Variants in FRMPD4 observed in about 807,000 individuals in gnomAD.
The protein encoded by FRMPD4 is FERM and PDZ domain containing 4, also known as FERM and PDZ domain-containing protein 4.
In FRMPD4, 22 loss-of-function variants were observed where a neutral mutation model predicts 94.1. The ratio of observed to expected loss-of-function variants is 0.23; its 90% CI spans 0.17 to 0.33. FRMPD4 has a LOEUF of 0.33. FRMPD4 is among the 10% of genes least tolerant of loss of function. FRMPD4 has a pLI of 1.00. For missense variants in FRMPD4, 1,111 were observed against 1,339.9 expected (o/e 0.83, Z 2.67); for synonymous variants, 631 against 548.6 (o/e 1.15, Z -2.10).
intron 4 of FRMPD4, among the ~76,000 whole-genome samples, chrX:12,640,881 C>T (rs1302596796): frequency 9.0e-6 from 1 of 111,219 alleles, no homozygotes; most frequent in Non-Finnish European, 1.9e-5. Context: ...CAAAGTATGA[C>T]CATTAAAAGG....
At chrX:12,224,310 G>A (rs950832372) in intron 1 of FRMPD4, among the ~76,000 whole-genome samples, 2 of 110,722 alleles carry the variant, frequency 1.8e-5, no homozygotes, top group Non-Finnish European at 3.8e-5. Flanking sequence ...GGGCAATGGC[G>A]TGATAATGGC....
intron 1 of FRMPD4, among the ~76,000 whole-genome samples, chrX:12,451,543 A>C (rs1250268844): frequency 8.9e-6 from 1 of 112,072 alleles, no homozygotes; most frequent in Non-Finnish European, 1.9e-5. Context: ...GTGTATATAA[A>C]AATATGCTCA....
intron 1 of FRMPD4, among the ~76,000 whole-genome samples, chrX:12,358,687 A>T (rs930136511): frequency 8.9e-6 from 1 of 112,030 alleles, no homozygotes; most frequent in Non-Finnish European, 1.9e-5. Flanking sequence ...ATTACTTACC[A>T]TGATTTAAAT....
chrX:12,288,565 C>T (rs1326232354), intron 1 of FRMPD4, among the ~76,000 whole-genome samples: 1 of 111,057 alleles, frequency 9.0e-6, no homozygotes. Flanking sequence ...AAAGCTTCAC[C>T]CTCCTGAAAA....
intron 1 of FRMPD4, among the ~76,000 whole-genome samples, chrX:12,224,952 G>A (rs1339844223): frequency 9.0e-6 from 1 of 111,618 alleles, no homozygotes; most frequent in African/African-American, 3.3e-5. Context: ...AGGCCCTGTT[G>A]TACCAAAGAT....
At chrX:12,313,412 G>A (rs966176681) in intron 1 of FRMPD4, among the ~76,000 whole-genome samples, 2 of 112,772 alleles carry the variant, frequency 1.8e-5, no homozygotes, top group African/African-American at 3.2e-5. Context: ...GTGGGGAATA[G>A]AAAGGAAAAG....
intron 1 of FRMPD4, among the ~76,000 whole-genome samples, chrX:12,179,288 C>T (rs958886579): frequency 1.8e-5 from 2 of 110,551 alleles, no homozygotes; most frequent in African/African-American, 6.6e-5. Flanking sequence ...TTCTATTGAC[C>T]GAGCAATTCA....
chrX:12,090,998 T>C (rs978526897), intron 3 of FRMPD4, among the ~76,000 whole-genome samples: 4 of 112,170 alleles, frequency 3.6e-5, no homozygotes, highest in African/African-American at 1.3e-4. Context: ...CAATTTTTCC[T>C]TTGTTTCCCC....
chrX:12,313,368 C>T lies in FRMPD4; in HGVS notation c.41+174356C>T, dbSNP rs188538420. Among the ~76,000 whole-genome samples, 598 of 112,583 alleles carry T rather than the reference C, an allele frequency of 5.3e-3. 2 individuals carry two copies. Among genetic ancestry groups the T allele is most frequent in the Non-Finnish European group, 8.6e-3 (456 of 53,293 alleles). ...GTAGGTGTTGGCAAACTGTGGCCTG[C>T]AAGCCAGATCTAGCCCACTACCTGT... On this transcript the variant is annotated intron_variant, in intron 1 of 16. Coordinates refer to ENST00000675598, the MANE Select transcript of FRMPD4 (RefSeq NM_001368397.1).
intron 1 of FRMPD4, among the ~76,000 whole-genome samples, chrX:12,426,588 C>T (rs371626997): frequency 8.1e-5 from 9 of 111,289 alleles, no homozygotes; most frequent in East Asian, 5.6e-4. Flanking sequence ...GTCTGCATGC[C>T]GCCCACCTTT....
intron 1 of FRMPD4, among the ~76,000 whole-genome samples, chrX:12,331,520 C>A (rs2055373504): frequency 1.1e-5 from 1 of 94,888 alleles, no homozygotes; most frequent in African/African-American, 3.8e-5. Context: ...CTATAGAAGC[C>A]CCGTGAAGTG....
chrX:11,966,606 T>TA (rs2054311201), intron 3 of FRMPD4, among the ~76,000 whole-genome samples: 1 of 111,694 alleles, frequency 9.0e-6, no homozygotes, highest in Admixed American at 9.5e-5. Context: ...CATGGTTGTG[T>TA]AAAAAATCAT....
intron 1 of FRMPD4, among the ~76,000 whole-genome samples, chrX:11,839,510 T>C (rs376863541): frequency 8.5e-4 from 95 of 111,927 alleles, no homozygotes; most frequent in African/African-American, 2.7e-3. Flanking sequence ...TTATTAGATA[T>C]ATGATTTGTA....
intron 1 of FRMPD4, among the ~76,000 whole-genome samples, chrX:12,419,383 T>A (rs934023942): frequency 8.9e-6 from 1 of 112,692 alleles, no homozygotes; most frequent in Non-Finnish European, 1.9e-5. Flanking sequence ...AAAAAGATGC[T>A]GTTCTTCTCA....
At chrX:11,934,456 C>G (rs1424472863) in intron 3 of FRMPD4, among the ~76,000 whole-genome samples, 3 of 111,549 alleles carry the variant, frequency 2.7e-5, no homozygotes, top group Non-Finnish European at 5.7e-5. Flanking sequence ...TGTAGCCATT[C>G]CCAGGGAAGT....
intron 1 of FRMPD4, among the ~76,000 whole-genome samples, chrX:12,385,132 A>G (rs1416621030): frequency 8.9e-6 from 1 of 112,344 alleles, no homozygotes; most frequent in Non-Finnish European, 1.9e-5. Flanking sequence ...TTGTAAGTCA[A>G]GGTTTCAGAG....
intron 1 of FRMPD4, among the ~76,000 whole-genome samples, chrX:12,254,850 A>AT (rs1569207848): frequency 9.0e-6 from 1 of 110,529 alleles, no homozygotes; most frequent in East Asian, 2.9e-4. Flanking sequence ...TTCTTTTACT[A>AT]TTTTTTTGGA....
At chrX:11,864,449 A>G (rs1385737790) in intron 1 of FRMPD4, among the ~76,000 whole-genome samples, 1 of 110,550 alleles carries the variant, frequency 9.0e-6, no homozygotes, top group African/African-American at 3.3e-5. Context: ...AGAAGGGAAG[A>G]AGAAAATAAC....
intron 4 of FRMPD4, among the ~76,000 whole-genome samples, chrX:12,669,605 T>A (rs2059818582): frequency 8.9e-6 from 1 of 112,324 alleles, no homozygotes; most frequent in African/African-American, 3.2e-5. Context: ...TTCCAGAGTC[T>A]GTGACTTTCT....
Sources: gnomAD v4.1 joint callset for allele counts (sites outside exome capture counted in the v4.1 genomes callset) on GRCh38, gnomAD v4.1.1 for gene constraint, MANE v1.5 for transcripts, NCBI Gene and HGNC (gene_info 2026-07-23, HGNC 2026-07-21) for gene names.